The following CSMD2 variants were observed in gnomAD, a reference collection of about 807,000 sequenced individuals.
The protein encoded by CSMD2 is CUB and sushi domain-containing protein 2.
CSMD2 carries 130 observed loss-of-function variants against 398.5 expected under a neutral mutation model. The ratio of observed to expected loss-of-function variants is 0.33; its 90% CI spans 0.28 to 0.38. The LOEUF (loss-of-function observed/expected upper bound fraction) is 0.38. CSMD2 is among the 10% of genes least tolerant of loss of function. CSMD2 has a pLI of 1.00. For missense variants in CSMD2, 3,829 were observed against 4,764.9 expected, an observed-to-expected ratio of 0.80 and a Z score of 5.78; for synonymous variants, 1,828 against 1,908.5, an observed-to-expected ratio of 0.96 and a Z score of 1.10.
intron 23 of CSMD2, among the ~76,000 whole-genome samples, chr1:33,700,010 A>ATTT (rs5773425): frequency 1.3e-5 from 2 of 148,388 alleles, no homozygotes; most frequent in Admixed American, 6.7e-5. Context: ...ACTTTACTCC[A>ATTT]TTTTTTTTTT....
chr1:33,910,292 T>A (rs1643377007), intron 5 of CSMD2, among the ~76,000 whole-genome samples: 1 of 152,222 alleles, frequency 6.6e-6, no homozygotes, highest in African/African-American at 2.4e-5. Flanking sequence ...CCTCATATCC[T>A]GCACTTCCTC....
At chr1:34,010,359 A>G (rs1218140227) in intron 3 of CSMD2, among the ~76,000 whole-genome samples, 3 of 152,170 alleles carry the variant, frequency 2.0e-5, no homozygotes, top group Admixed American at 1.3e-4. Flanking sequence ...ACCATACTGG[A>G]TTATAAGGAT....
chr1:34,020,107 T>TAACA (rs2148108914), intron 3 of CSMD2, among the ~76,000 whole-genome samples: 1 of 152,262 alleles, frequency 6.6e-6, no homozygotes, highest in South Asian at 2.1e-4. Flanking sequence ...GAGTGATGGG[T>TAACA]AACAGGTGCT....
At chr1:34,132,125 G>A (rs1040449434) in intron 1 of CSMD2, among the ~76,000 whole-genome samples, 2 of 152,088 alleles carry the variant, frequency 1.3e-5, no homozygotes, top group Non-Finnish European at 2.9e-5. Context: ...AGGAGGAAGA[G>A]CAAGAGAGAG....
chr1:33,717,179 T>C (rs776634031), intron 19 of CSMD2, among the ~76,000 whole-genome samples: 8 of 152,080 alleles, frequency 5.3e-5, no homozygotes, highest in Non-Finnish European at 1.2e-4. Context: ...ACTCCTGGAA[T>C]TGAAGCTGGA....
chr1:33,952,807 C>A (rs750819751), intron 3 of CSMD2, among the ~76,000 whole-genome samples: 2 of 152,142 alleles, frequency 1.3e-5, no homozygotes, highest in African/African-American at 2.4e-5. Context: ...ACAGTAGACA[C>A]GCAAAAACTA....
chr1:33,798,327 C>T (rs1168431650), intron 10 of CSMD2, among the ~76,000 whole-genome samples: 1 of 152,220 alleles, frequency 6.6e-6, no homozygotes, highest in Non-Finnish European at 1.5e-5. Flanking sequence ...TTACTGAGCA[C>T]CTGCCATGTG....
intron 3 of CSMD2, among the ~76,000 whole-genome samples, chr1:33,990,768 G>C (rs1646524225): frequency 6.6e-6 from 1 of 152,156 alleles, no homozygotes; most frequent in East Asian, 1.9e-4. Flanking sequence ...TTAGGTTGAG[G>C]CCAGGGGTGA....
At chr1:33,640,696 G>A (rs879680932) in intron 29 of CSMD2, among the ~76,000 whole-genome samples, 5 of 152,118 alleles carry the variant, frequency 3.3e-5, no homozygotes, top group Admixed American at 1.3e-4. Flanking sequence ...GGTATTGCAC[G>A]GGATGATGGT....
intron 25 of CSMD2, among the ~76,000 whole-genome samples, chr1:33,664,811 A>G (rs957850345): frequency 4.6e-5 from 7 of 152,092 alleles, no homozygotes; most frequent in African/African-American, 1.7e-4. Flanking sequence ...TCAAAAATAA[A>G]TAAATAAATA....
chr1:34,137,648 G>A (rs1638889698), intron 1 of CSMD2, among the ~76,000 whole-genome samples: 1 of 152,140 alleles, frequency 6.6e-6, no homozygotes, highest in African/African-American at 2.4e-5. Flanking sequence ...TTCCAGCCTG[G>A]CCCAACCTGG....
At chr1:33,764,749 C>T (rs1035188598) in intron 13 of CSMD2, among the ~76,000 whole-genome samples, 1 of 152,216 alleles carries the variant, frequency 6.6e-6, no homozygotes, top group Non-Finnish European at 1.5e-5. Context: ...CCAACTCTGG[C>T]TCTGATCATT....
At chr1:33,928,819 G>A (rs893635119) in intron 4 of CSMD2, among the ~76,000 whole-genome samples, 2 of 152,214 alleles carry the variant, frequency 1.3e-5, no homozygotes, top group African/African-American at 4.8e-5. Context: ...CCGGCATAGT[G>A]TTTAGTGCCT....
At chr1:34,070,256 A>G (rs1288622543) in intron 2 of CSMD2, among the ~76,000 whole-genome samples, 4 of 152,312 alleles carry the variant, frequency 2.6e-5, no homozygotes, top group Non-Finnish European at 5.9e-5. Flanking sequence ...GTGCAGGCAA[A>G]TTCCAAACAT....
intron 1 of CSMD2, among the ~76,000 whole-genome samples, chr1:34,138,028 A>G (rs1638924248): frequency 6.6e-6 from 1 of 152,224 alleles, no homozygotes; most frequent in Admixed American, 6.5e-5. Context: ...ATAAGCAAGA[A>G]AACATCCCAT....
Position 33,624,953 on chromosome 1 carries a change from T to C in CSMD2, c.5500+98A>G. Reference sequence around the variant, plus strand: ...GCCATGCGGTGGGAAGCGGCTGCTGTGTGTCGTGGGGCATCACTGGGGCTG... The same window carrying C: ...GCCATGCGGTGGGAAGCGGCTGCTGCGTGTCGTGGGGCATCACTGGGGCTG... On this transcript the variant is annotated intron_variant, in intron 34 of 70. Coordinates refer to ENST00000373381, the MANE Select transcript of CSMD2 (RefSeq NM_001281956.2). The surrounding 1 kb of genome is among the most constrained non-coding windows in gnomAD (Gnocchi z 4.7). 1 of 1,242,124 alleles carries C rather than the reference T, an allele frequency of 8.1e-7. No homozygotes were observed. The highest frequency in any genetic ancestry group is 1.3e-5 in the South Asian group (1 of 78,344). 76.9% of individuals were successfully genotyped at this position (1,242,124 alleles called of 1,614,324 possible). A position where few individuals can be genotyped will look rare whatever the true frequency, so the allele number is the denominator to read the frequency against.
At chr1:33,805,320 T>C (rs1656100100) in intron 10 of CSMD2, among the ~76,000 whole-genome samples, 1 of 152,206 alleles carries the variant, frequency 6.6e-6, no homozygotes, top group Admixed American at 6.5e-5. Context: ...CCTCACCCCA[T>C]GTGGCTGAAG....
At chr1:34,018,081 T>C (rs1356621204) in intron 3 of CSMD2, among the ~76,000 whole-genome samples, 1 of 152,228 alleles carries the variant, frequency 6.6e-6, no homozygotes, top group Non-Finnish European at 1.5e-5. Context: ...ACGTCAACTG[T>C]TTCTTTTTTT....
At chr1:33,788,822 G>A (rs1653871899) in intron 11 of CSMD2, 110 bp from the exon 12 acceptor site, 1 of 683,090 alleles carries the variant, frequency 1.5e-6, no homozygotes, top group Non-Finnish European at 2.6e-6. Context: ...GCCCGCTCGG[G>A]CAAATTCTGG....
Sources: gnomAD v4.1 joint callset for allele counts (sites outside exome capture counted in the v4.1 genomes callset) on GRCh38, gnomAD v4.1.1 for gene constraint, Gnocchi (gnomAD v3.1) non-coding constraint, MANE v1.5 for transcripts, NCBI Gene and HGNC (gene_info 2026-07-23, HGNC 2026-07-21) for gene names.